KIF26B: variants seen among roughly 807,000 people sequenced by gnomAD.
KIF26B encodes kinesin family member 26B.
KIF26B carries 63 observed loss-of-function variants against 151.2 expected under a neutral mutation model. That is an observed-to-expected ratio of 0.42 (90% CI 0.34 to 0.51). KIF26B has a LOEUF of 0.51. KIF26B is among the 20% of genes least tolerant of loss of function. The probability of loss-of-function intolerance (pLI) is 0.07; values close to 1 mark genes in which losing one functional copy is unlikely to be tolerated. For missense variants in KIF26B, 2,813 were observed against 2,913.6 expected, an observed-to-expected ratio of 0.97 and a Z score of 0.79; for synonymous variants, 1,357 against 1,262.1, an observed-to-expected ratio of 1.08 and a Z score of -1.59.
intron 3 of KIF26B, among the ~76,000 whole-genome samples, chr1:245,417,820 T>TGGGCACCTGCTCTCTG (rs1674456471): frequency 1.3e-5 from 2 of 152,254 alleles, no homozygotes; most frequent in Non-Finnish European, 2.9e-5. Context: ...GGCTGCTCTC[T>TGGGCACCTGCTCTCTG]GGCTTTGCAG....
intron 2 of KIF26B, among the ~76,000 whole-genome samples, chr1:245,200,342 T>C (rs1558342835): frequency 6.6e-6 from 1 of 152,232 alleles, no homozygotes; most frequent in East Asian, 1.9e-4. Context: ...AGAGCTCTGA[T>C]AATCTCCGAG....
intron 2 of KIF26B, among the ~76,000 whole-genome samples, chr1:245,278,924 T>C (rs1670986265): frequency 6.6e-6 from 1 of 152,168 alleles, no homozygotes; most frequent in Non-Finnish European, 1.5e-5. Flanking sequence ...GCAGGAGTAA[T>C]GAATGAATCA....
chr1:245,277,123 C>G (rs1670954234), intron 2 of KIF26B, among the ~76,000 whole-genome samples: 1 of 152,172 alleles, frequency 6.6e-6, no homozygotes, highest in Non-Finnish European at 1.5e-5. Flanking sequence ...TGGATCCTCT[C>G]TTAGGCTCTC....
chr1:245,207,819 A>G (rs1214042110), intron 2 of KIF26B, among the ~76,000 whole-genome samples: 1 of 152,178 alleles, frequency 6.6e-6, no homozygotes, highest in African/African-American at 2.4e-5. Context: ...TTTGGTAAAG[A>G]GATGTGTCCA....
chr1:245,523,005 G>A (rs1392909403), intron 4 of KIF26B, among the ~76,000 whole-genome samples: 1 of 152,174 alleles, frequency 6.6e-6, no homozygotes, highest in African/African-American at 2.4e-5. Flanking sequence ...GTCAGGAACT[G>A]TTCTGATAAT....
At chr1:245,668,564 G>A (rs1271855253) in intron 10 of KIF26B, among the ~76,000 whole-genome samples, 2 of 152,162 alleles carry the variant, frequency 1.3e-5, no homozygotes, top group African/African-American at 4.8e-5. Flanking sequence ...GCATTCTTCA[G>A]CTTAATTTCC....
chr1:245,283,259 G>A (rs182350308), intron 2 of KIF26B, among the ~76,000 whole-genome samples: 65 of 149,980 alleles, frequency 4.3e-4, no homozygotes, highest in Admixed American at 1.2e-3. Context: ...CCCACCCACC[G>A]CGAGCCCAAT....
intron 2 of KIF26B, among the ~76,000 whole-genome samples, chr1:245,310,754 A>G (rs1671650254): frequency 6.6e-6 from 1 of 152,152 alleles, no homozygotes; most frequent in Admixed American, 6.5e-5. Flanking sequence ...GACGATGGGG[A>G]GAGAGCCCAG....
chr1:245,182,005 T>G (rs992746948), intron 2 of KIF26B, among the ~76,000 whole-genome samples: 3 of 152,194 alleles, frequency 2.0e-5, no homozygotes, highest in Admixed American at 2.0e-4. Flanking sequence ...ATTCACCTGT[T>G]TTAAACGTGT....
intron 4 of KIF26B, among the ~76,000 whole-genome samples, chr1:245,485,595 G>T (rs1270155970): frequency 6.6e-6 from 1 of 152,158 alleles, no homozygotes; most frequent in East Asian, 1.9e-4. Flanking sequence ...TGTTGGCCAG[G>T]CTGGTCTCAG....
At chr1:245,245,123 T>G (rs1670300064) in intron 2 of KIF26B, among the ~76,000 whole-genome samples, 1 of 152,174 alleles carries the variant, frequency 6.6e-6, no homozygotes, top group African/African-American at 2.4e-5. Context: ...TGGAGGCAGT[T>G]GCCTGTTTAG....
chr1:245,697,358 G>A (rs892972503), intron 12 of KIF26B, among the ~76,000 whole-genome samples: 3 of 152,222 alleles, frequency 2.0e-5, no homozygotes, highest in Non-Finnish European at 4.4e-5. Context: ...GATACTGGGA[G>A]AGAACTAGCC....
intron 8 of KIF26B, among the ~76,000 whole-genome samples, chr1:245,610,495 G>A (rs1020652218): frequency 3.3e-5 from 5 of 152,162 alleles, no homozygotes; most frequent in South Asian, 2.1e-4. Flanking sequence ...TCATGCTGCC[G>A]GTCCAGGGAT....
chr1:245,586,783 G>C (rs2043230410), intron 5 of KIF26B, among the ~76,000 whole-genome samples: 1 of 151,758 alleles, frequency 6.6e-6, no homozygotes, highest in Non-Finnish European at 1.5e-5. Context: ...CTACTCGGGA[G>C]GCTGAGGCAG....
At chr1:245,574,836 C>CT (rs1167415540) in intron 5 of KIF26B, among the ~76,000 whole-genome samples, 5 of 143,424 alleles carry the variant, frequency 3.5e-5, no homozygotes, top group Non-Finnish European at 7.7e-5. Context: ...GGAAGATTGT[C>CT]TTTTTTATAT....
intron 14 of KIF26B, among the ~76,000 whole-genome samples, chr1:245,701,052 C>T (rs2044764781): frequency 6.6e-6 from 1 of 152,190 alleles, no homozygotes; most frequent in African/African-American, 2.4e-5. Context: ...TCATATTTTT[C>T]CCAGGATGGG....
intron 2 of KIF26B, among the ~76,000 whole-genome samples, chr1:245,314,028 TTCC>T (rs1671714558): frequency 1.3e-5 from 2 of 152,156 alleles, no homozygotes; most frequent in Admixed American, 1.3e-4. Flanking sequence ...TTTGAGGTAT[TTCC>T]TCCTCACTCA....
intron 2 of KIF26B, among the ~76,000 whole-genome samples, chr1:245,235,644 G>C (rs939604608): frequency 6.6e-6 from 1 of 151,676 alleles, no homozygotes; most frequent in Non-Finnish European, 1.5e-5. Context: ...AGGAAGGAAG[G>C]GTTCAGAATA....
chr1:245,636,483 A>C (rs1471815154), intron 9 of KIF26B, among the ~76,000 whole-genome samples: 1 of 152,090 alleles, frequency 6.6e-6, no homozygotes, highest in Non-Finnish European at 1.5e-5. Context: ...GTAGTGATCA[A>C]ATTAGGAAAA....
Sources: gnomAD v4.1 joint callset for allele counts (sites outside exome capture counted in the v4.1 genomes callset) on GRCh38, gnomAD v4.1.1 for gene constraint, MANE v1.5 for transcripts, NCBI Gene and HGNC (gene_info 2026-07-23, HGNC 2026-07-21) for gene names.